The following RIT2 variants were observed in gnomAD, a reference collection of about 807,000 sequenced individuals.
RIT2 encodes the protein Ras like without CAAX 2, also known as GTP-binding protein Rit2.
RIT2 carries 24 observed loss-of-function variants against 23.7 expected under a neutral mutation model. The observed-to-expected ratio is 1.01, with a 90% CI of 0.73 to 1.43. The LOEUF (loss-of-function observed/expected upper bound fraction) is 1.43. Among genes scored for constraint, RIT2 ranks in the 40% most tolerant of loss-of-function variants. The probability of loss-of-function intolerance (pLI) is 0.00; values close to 1 mark genes in which losing one functional copy is unlikely to be tolerated. For synonymous variants in RIT2, 107 were observed against 91.1 expected, an observed-to-expected ratio of 1.17 and a Z score of -0.99; for missense variants, 236 against 266.9, an observed-to-expected ratio of 0.88 and a Z score of 0.81.
chr18:42,882,397 G>C (rs1217449697), intron 4 of RIT2, among the ~76,000 whole-genome samples: 1 of 152,166 alleles, frequency 6.6e-6, no homozygotes, highest in Non-Finnish European at 1.5e-5. Context: ...CCTTGTAGCA[G>C]TCTTCGCTAA....
chr18:43,062,172 T>C (rs1912662302), intron 1 of RIT2, among the ~76,000 whole-genome samples: 1 of 152,110 alleles, frequency 6.6e-6, no homozygotes, highest in African/African-American at 2.4e-5. Flanking sequence ...GTATTTAATG[T>C]TTTATATGAG....
intron 1 of RIT2, among the ~76,000 whole-genome samples, chr18:43,046,907 C>T (rs1483343999): frequency 2.6e-5 from 4 of 152,092 alleles, no homozygotes; most frequent in East Asian, 1.9e-4. Context: ...AAATAATTCA[C>T]ATAAACAAAG....
intron 1 of RIT2, among the ~76,000 whole-genome samples, chr18:43,097,235 AGATGCT>A (rs1196190373): frequency 1.3e-5 from 2 of 151,936 alleles, no homozygotes; most frequent in Non-Finnish European, 2.9e-5. Context: ...ACAGGTTCCC[AGATGCT>A]GTAGCTGCTG....
At chr18:42,854,095 C>T (rs190584342) in intron 4 of RIT2, among the ~76,000 whole-genome samples, 35 of 152,230 alleles carry the variant, frequency 2.3e-4, no homozygotes, top group African/African-American at 8.2e-4. Context: ...TAAACATTAG[C>T]TCTAACTCTA....
At chr18:42,820,587 G>A (rs886479658) in intron 4 of RIT2, among the ~76,000 whole-genome samples, 1 of 152,060 alleles carries the variant, frequency 6.6e-6, no homozygotes, top group African/African-American at 2.4e-5. Flanking sequence ...TCTTCTTAAT[G>A]GTTCACCTTG....
chr18:42,841,084 C>G (rs1192060633), intron 4 of RIT2, among the ~76,000 whole-genome samples: 3 of 152,066 alleles, frequency 2.0e-5, no homozygotes, highest in Non-Finnish European at 2.9e-5. Flanking sequence ...GTAGAAGGAA[C>G]ACAGAAGATG....
chr18:42,949,504 C>CA (rs1909801879), intron 3 of RIT2, among the ~76,000 whole-genome samples: 1 of 152,090 alleles, frequency 6.6e-6, no homozygotes, highest in South Asian at 2.1e-4. Flanking sequence ...GTTAGACAGG[C>CA]AATTGCTGGG....
intron 4 of RIT2, among the ~76,000 whole-genome samples, chr18:42,877,202 T>C (rs558151063): frequency 2.0e-5 from 3 of 151,980 alleles, no homozygotes; most frequent in Non-Finnish European, 4.4e-5. Context: ...AGAAGACATA[T>C]GGTTAGGGTA....
chr18:42,772,534 A>G (rs2143917159), intron 4 of RIT2, among the ~76,000 whole-genome samples: 1 of 152,306 alleles, frequency 6.6e-6, no homozygotes, highest in Admixed American at 6.5e-5. Context: ...CATAATAAAA[A>G]ATGTATATTT....
chr18:42,743,394 G>A lies in RIT2; in HGVS notation c.*99C>T. On this transcript the variant is annotated 3_prime_UTR_variant, in exon 5 of 5. Transcript: ENST00000326695. ...ACCTACAGGCAGATATTTAAAGAGA[G>A]AGAGACACATAGAGAGATAATATTG... is the stretch of plus-strand genomic sequence containing the variant. 1.2e-6 allele frequency: 1 copy of A among 848,884 alleles called. No homozygotes were observed. The highest frequency in any genetic ancestry group is 1.6e-5 in the South Asian group (1 of 62,602). The allele number at this position is 848,884 out of a possible 1,614,324, so 52.6% of individuals were successfully genotyped here.
At chr18:42,746,409 A>G (rs1410621472) in intron 4 of RIT2, among the ~76,000 whole-genome samples, 3 of 152,134 alleles carry the variant, frequency 2.0e-5, no homozygotes, top group African/African-American at 7.2e-5. Flanking sequence ...ATGTAAAGAT[A>G]TAGAAAGTGA....
At chr18:42,825,256 C>T (rs967450914) in intron 4 of RIT2, among the ~76,000 whole-genome samples, 8 of 151,632 alleles carry the variant, frequency 5.3e-5, no homozygotes, top group African/African-American at 1.9e-4. Flanking sequence ...ATACATGAAG[C>T]CAAATTCATT....
At chr18:42,833,432 T>C (rs1323720119) in intron 4 of RIT2, among the ~76,000 whole-genome samples, 1 of 152,234 alleles carries the variant, frequency 6.6e-6, no homozygotes, top group Non-Finnish European at 1.5e-5. Context: ...TTGTGAATAG[T>C]CTTCCAATAA....
At chr18:42,939,715 A>G (rs777300944) in intron 3 of RIT2, among the ~76,000 whole-genome samples, 42 of 152,158 alleles carry the variant, frequency 2.8e-4, no homozygotes, top group Non-Finnish European at 4.7e-4. Flanking sequence ...ATTAGTATTT[A>G]TATCTAAAAC....
intron 3 of RIT2, among the ~76,000 whole-genome samples, chr18:42,971,012 T>C (rs902835416): frequency 3.3e-5 from 5 of 151,984 alleles, no homozygotes; most frequent in Non-Finnish European, 7.4e-5. Flanking sequence ...TGGCCTCCAG[T>C]ATTGCCACCA....
At chr18:42,746,454 C>T (rs1021715926) in intron 4 of RIT2, among the ~76,000 whole-genome samples, 1 of 151,824 alleles carries the variant, frequency 6.6e-6, no homozygotes, top group Non-Finnish European at 1.5e-5. Flanking sequence ...AAGAAAGCTG[C>T]TATAGTTTAA....
chr18:43,047,615 T>A (rs1351940955), intron 1 of RIT2, among the ~76,000 whole-genome samples: 2 of 151,836 alleles, frequency 1.3e-5, no homozygotes, highest in Non-Finnish European at 2.9e-5. Context: ...AAAATAAAAT[T>A]ATTATATTTA....
At chr18:43,056,961 C>A (rs1322559827) in intron 1 of RIT2, among the ~76,000 whole-genome samples, 1 of 146,968 alleles carries the variant, frequency 6.8e-6, no homozygotes, top group African/African-American at 2.5e-5. Context: ...TGGGATTTTT[C>A]TTTTCCCTGG....
At chr18:42,954,383 A>G (rs1471942681) in intron 3 of RIT2, among the ~76,000 whole-genome samples, 1 of 151,962 alleles carries the variant, frequency 6.6e-6, no homozygotes. Context: ...TCAAAAAAAA[A>G]AAAAAAAAAA....
Sources: gnomAD v4.1 joint callset for allele counts (sites outside exome capture counted in the v4.1 genomes callset) on GRCh38, gnomAD v4.1.1 for gene constraint, MANE v1.5 for transcripts, NCBI Gene and HGNC (gene_info 2026-07-23, HGNC 2026-07-21) for gene names.